Variants in CANX observed in about 807,000 individuals in gnomAD.
The protein encoded by CANX is calnexin.
Under a neutral mutation model 75.7 loss-of-function variants are expected in CANX, and 14 were observed. That is an observed-to-expected ratio of 0.19 (90% CI 0.12 to 0.29). CANX has a LOEUF of 0.29. CANX is among the 10% of genes least tolerant of loss of function. CANX has a pLI of 1.00. For missense variants in CANX, 567 were observed against 713.2 expected, an observed-to-expected ratio of 0.79 and a Z score of 2.34; for synonymous variants, 227 against 236.9, an observed-to-expected ratio of 0.96 and a Z score of 0.38.
At chr5:179,725,880 C>T (rs1173561265) in intron 13 of CANX, among the ~76,000 whole-genome samples, 2 of 149,440 alleles carry the variant, frequency 1.3e-5, no homozygotes, top group African/African-American at 2.5e-5. Context: ...CCCACCTATT[C>T]GGGAGGCTGA....
chr5:179,688,595 C>T (rs1776237017), intron 1 of CANX, among the ~76,000 whole-genome samples: 1 of 150,972 alleles, frequency 6.6e-6, no homozygotes, highest in Non-Finnish European at 1.5e-5. Flanking sequence ...GATCTCCTGA[C>T]CTTGTGATCC....
chr5:179,713,779 T>C (rs915034662), intron 7 of CANX, among the ~76,000 whole-genome samples: 5 of 151,984 alleles, frequency 3.3e-5, no homozygotes, highest in African/African-American at 1.2e-4. Context: ...TCAGGCTTGG[T>C]AGCATGTACC....
At chr5:179,703,718 G>A (rs1776929178) in intron 1 of CANX, among the ~76,000 whole-genome samples, 1 of 151,942 alleles carries the variant, frequency 6.6e-6, no homozygotes. Flanking sequence ...CTTAATAGAG[G>A]AAGTTGAAGA....
At chr5:179,684,385 T>C (rs534974068) in intron 1 of CANX, among the ~76,000 whole-genome samples, 2 of 148,708 alleles carry the variant, frequency 1.3e-5, no homozygotes, top group East Asian at 3.9e-4. Context: ...GCCCAGCTAG[T>C]AAGCCTTTTT....
intron 13 of CANX, among the ~76,000 whole-genome samples, chr5:179,725,671 ACT>A (rs1173853971): frequency 4.1e-5 from 4 of 98,632 alleles, no homozygotes; most frequent in Non-Finnish European, 7.9e-5. Context: ...ACAGAGCAAG[ACT>A]CTGTCTCAAA....
At chr5:179,689,602 C>G (rs1776263828) in intron 1 of CANX, among the ~76,000 whole-genome samples, 1 of 152,168 alleles carries the variant, frequency 6.6e-6, no homozygotes, top group Admixed American at 6.5e-5. Flanking sequence ...GTTGGCCAGG[C>G]TGGTCTCAAA....
At chr5:179,707,284 T>C in intron 4 of CANX, 94 bp downstream of exon 4, 1 of 805,226 alleles carries the variant, frequency 1.2e-6, no homozygotes, top group East Asian at 2.5e-5. Flanking sequence ...AAGGACATAG[T>C]AGGCTTTAAG....
rs766602678 is a variant in CANX, at chr5:179,707,197, A to T, written c.304+7A>T. 9.2e-6 allele frequency: 14 copies of T among 1,522,112 alleles called. No individual in the cohort carries two copies. The highest frequency in any genetic ancestry group is 1.3e-5 in the Non-Finnish European group (14 of 1,096,340). The allele number at this position is 1,522,112 out of a possible 1,614,324, so 94.3% of individuals were successfully genotyped here. A position where few individuals can be genotyped will look rare whatever the true frequency, so the allele number is the denominator to read the frequency against. ...GAAATTGCCAAATATGATGGTGAGA[A>T]TCCCATTTGGTTTAGATATAATAGC... On this transcript the variant is annotated splice_region_variant and intron_variant, in intron 4 of 14. Coordinates refer to ENST00000247461, the MANE Select transcript of CANX (RefSeq NM_001746.4).
Position 179,698,988 on chromosome 5 carries a change from G to A in CANX, c.-118G>A. On this transcript the variant is annotated 5_prime_UTR_variant, in exon 1 of 15. Coordinates refer to ENST00000247461, the MANE Select transcript of CANX (RefSeq NM_001746.4). ...CGGCAGCGGTGGCCGAGGCCTCTTG[G>A]TTCTGCGGCACGTGACGGTCGGGCC... 4 of 1,124,586 alleles carry A rather than the reference G, an allele frequency of 3.6e-6. No individual in the cohort carries two copies. Among genetic ancestry groups the A allele is most frequent in the African/African-American group, 1.7e-5 (1 of 58,090 alleles). The allele number at this position is 1,124,586 out of a possible 1,614,324, so 69.7% of individuals were successfully genotyped here. A position where few individuals can be genotyped will look rare whatever the true frequency, so the allele number is the denominator to read the frequency against.
chr5:179,729,703 C>T lies in CANX; in HGVS notation c.*1059C>T, dbSNP rs1183154702. The T allele has an allele frequency of 6.6e-6, 1 of 152,582 alleles. No homozygotes were observed. Among genetic ancestry groups the T allele is most frequent in the Non-Finnish European group, 1.5e-5 (1 of 68,046 alleles). 9.5% of individuals were successfully genotyped at this position (152,582 alleles called of 1,614,324 possible). Reference sequence around the variant, plus strand: ...CCCATACCTTTCCAGGGTCAAAGTACAGAATAGAATACATTGATACAAAGT... The same window carrying T: ...CCCATACCTTTCCAGGGTCAAAGTATAGAATAGAATACATTGATACAAAGT... On this transcript the variant is annotated 3_prime_UTR_variant, in exon 15 of 15. Coordinates refer to ENST00000247461, the MANE Select transcript of CANX (RefSeq NM_001746.4).
intron 1 of CANX, chr5:179,679,212 C>T: frequency 1.3e-6 from 2 of 1,534,266 alleles, no homozygotes; most frequent in Non-Finnish European, 1.7e-6. Flanking sequence ...GTGCTGCGCT[C>T]TTGTCTCGGG....
At position 179,684,919 on chromosome 5, in the gene CANX, A is replaced by ATTTT. The variant is rs1562433057; in HGVS notation, c.-4+6143_-4+6146dup. Among the ~76,000 whole-genome samples, 201 of 95,240 alleles carry ATTTT rather than the reference A, an allele frequency of 2.1e-3. 10 individuals carry two copies. Among genetic ancestry groups the ATTTT allele is most frequent in the African/African-American group, 7.1e-3 (167 of 23,386 alleles). The allele number at this position is 95,240 out of a possible 152,430, so 62.5% of individuals were successfully genotyped here. A position where few individuals can be genotyped will look rare whatever the true frequency, so the allele number is the denominator to read the frequency against. ...AGGCGTGTGCCACCACACCTGGCTA[A>ATTTT]TTTTGTATTTTTTTTTTTTTTTTTT... On this transcript the variant is annotated intron_variant, in intron 1 of 14. Transcript: ENST00000681674.
intron 8 of CANX, among the ~76,000 whole-genome samples, chr5:179,718,893 G>C (rs921984349): frequency 6.6e-6 from 1 of 151,692 alleles, no homozygotes; most frequent in African/African-American, 2.4e-5. Context: ...TTGAACTCCT[G>C]TCCTCAGGTG....
intron 1 of CANX, among the ~76,000 whole-genome samples, chr5:179,702,564 A>G (rs986572188): frequency 5.3e-5 from 8 of 152,154 alleles, no homozygotes; most frequent in African/African-American, 1.4e-4. Context: ...TTGTATGCCT[A>G]TGCCACATAT....
At chr5:179,679,124 C>A in intron 1 of CANX, 1 of 1,535,606 alleles carries the variant, frequency 6.5e-7, no homozygotes, top group South Asian at 1.2e-5. Flanking sequence ...CGTAGCCGAG[C>A]ACTCGAAGGT....
upstream of CANX, among the ~76,000 whole-genome samples, chr5:179,697,949 C>T (rs995519702): frequency 1.3e-5 from 2 of 152,070 alleles, no homozygotes; most frequent in African/African-American, 4.8e-5. Context: ...CTCATGCAAA[C>T]ACCAAACCCT....
At chr5:179,698,794 AC>A, upstream of CANX, 4 of 670,316 alleles carry the variant, frequency 6.0e-6, no homozygotes, top group South Asian at 5.1e-5. Flanking sequence ...TTCACACTCC[AC>A]GAAGAATAGC....
chr5:179,705,271 C>T (rs534004696), intron 1 of CANX, among the ~76,000 whole-genome samples: 4 of 152,332 alleles, frequency 2.6e-5, no homozygotes, highest in Admixed American at 6.5e-5. Context: ...GCGTGAGCCA[C>T]GGCGCCCGGC....
intron 4 of CANX, among the ~76,000 whole-genome samples, chr5:179,707,974 T>A (rs1273972621): frequency 6.6e-6 from 1 of 152,032 alleles, no homozygotes; most frequent in African/African-American, 2.4e-5. Flanking sequence ...GTAGTTGGGA[T>A]TACAGGTGCC....
Sources: allele counts gnomAD v4.1 joint callset (sites outside exome capture counted in the v4.1 genomes callset), GRCh38; gene constraint gnomAD v4.1.1; transcripts MANE v1.5; gene names NCBI Gene and HGNC (gene_info 2026-07-23, HGNC 2026-07-21).